Variants in BBS9 observed in about 807,000 individuals in gnomAD.
BBS9 encodes protein PTHB1.
A neutral mutation model predicts 117.7 loss-of-function variants in BBS9; 89 were observed. That is an observed-to-expected ratio of 0.76 (90% CI 0.64 to 0.90). The LOEUF (loss-of-function observed/expected upper bound fraction) is 0.90, where lower values mean the gene tolerates loss of function less well. Among genes scored for constraint, BBS9 ranks in the 40% least tolerant of loss-of-function variants. The pLI is 0.00. For missense variants in BBS9, 982 were observed against 1,042.2 expected, an observed-to-expected ratio of 0.94 and a Z score of 0.80; for synonymous variants, 379 against 370.9, an observed-to-expected ratio of 1.02 and a Z score of -0.25.
chr7:33,257,590 A>G (rs752414938), intron 6 of BBS9, among the ~76,000 whole-genome samples, 180 bp downstream of exon 6: 1 of 152,190 alleles, frequency 6.6e-6, no homozygotes, highest in Non-Finnish European at 1.5e-5. Context: ...GAAAGGCAAT[A>G]TAGTGCAGTG....
intron 5 of BBS9, among the ~76,000 whole-genome samples, chr7:33,254,842 T>C (rs1796773566): frequency 6.6e-6 from 1 of 152,130 alleles, no homozygotes; most frequent in South Asian, 2.1e-4. Flanking sequence ...GTAGGATTTC[T>C]TTCTTTTTTT....
chr7:33,551,366 C>T (rs1854386981), intron 21 of BBS9, among the ~76,000 whole-genome samples: 2 of 152,092 alleles, frequency 1.3e-5, no homozygotes, highest in African/African-American at 2.4e-5. Context: ...GTATATGTGA[C>T]TATGTACTGT....
chr7:33,537,245 C>T (rs1165534458), intron 21 of BBS9, among the ~76,000 whole-genome samples: 6 of 152,190 alleles, frequency 3.9e-5, no homozygotes, highest in African/African-American at 1.2e-4. Context: ...TTTCTAGCCT[C>T]ATGACTTTAT....
intron 21 of BBS9, among the ~76,000 whole-genome samples, chr7:33,540,765 G>A (rs1365271930): frequency 1.3e-5 from 2 of 152,160 alleles, no homozygotes; most frequent in African/African-American, 4.8e-5. Flanking sequence ...CAGTTCTCAT[G>A]AACTAACCCA....
rs571438160 is a variant in BBS9, at chr7:33,274,299, T to C, written c.1016+343T>C. ...ATGAGTCCCTTTTAGAGAACATTTA[T>C]TGATAGACTGTGACGATATTACACT... is the stretch of plus-strand genomic sequence containing the variant. On this transcript the variant is annotated intron_variant, in intron 9 of 22. Transcript: ENST00000242067. Among the ~76,000 whole-genome samples the C allele has an allele frequency of 3.3e-5, 5 of 152,336 alleles. No homozygotes were observed. In the East Asian group the frequency reaches 9.7e-4, roughly 29 times the overall value.
At chr7:33,338,457 T>C (rs1318954895) in intron 10 of BBS9, among the ~76,000 whole-genome samples, 1 of 152,146 alleles carries the variant, frequency 6.6e-6, no homozygotes, top group Non-Finnish European at 1.5e-5. Context: ...TATTTTAGTT[T>C]GGGGGCTTTA....
chr7:33,426,043 CCA>C lies in BBS9; in HGVS notation c.2115+37900_2115+37901del, dbSNP rs77620519. Among the ~76,000 whole-genome samples, 2,992 of 152,124 alleles carry C rather than the reference CCA, an allele frequency of 0.02. 198 individuals carry two copies. The East Asian group carries it at 0.26, about 13-fold the overall frequency. ...AAATAAACCAAGAAGTTTATAAGGT[CCA>C]GTTTGTGGAGTAAAATATTGGCATG... On this transcript the variant is annotated intron_variant, in intron 19 of 22. Transcript: ENST00000242067.
At chr7:33,571,730 A>G (rs1857828863) in intron 21 of BBS9, among the ~76,000 whole-genome samples, 1 of 151,986 alleles carries the variant, frequency 6.6e-6, no homozygotes, top group African/African-American at 2.4e-5. Context: ...GTGCAATTAA[A>G]TTTTACATTC....
chr7:33,542,379 A>C (rs1852471602), intron 21 of BBS9, among the ~76,000 whole-genome samples: 1 of 152,132 alleles, frequency 6.6e-6, no homozygotes, highest in Non-Finnish European at 1.5e-5. Context: ...CACCGCACCC[A>C]GCCCATGAGT....
At chr7:33,190,591 T>C (rs1319772733) in intron 5 of BBS9, among the ~76,000 whole-genome samples, 4 of 152,230 alleles carry the variant, frequency 2.6e-5, no homozygotes, top group Non-Finnish European at 5.9e-5. Flanking sequence ...TCTTTTCATC[T>C]CTTGCTTCCA....
At chr7:33,569,432 C>T (rs1344244533) in intron 21 of BBS9, among the ~76,000 whole-genome samples, 5 of 147,456 alleles carry the variant, frequency 3.4e-5, no homozygotes, top group Admixed American at 2.7e-4. Flanking sequence ...AGCATACAGA[C>T]ATATATATAT....
intron 20 of BBS9, among the ~76,000 whole-genome samples, chr7:33,524,325 T>C (rs1481774489): frequency 6.6e-6 from 1 of 152,192 alleles, no homozygotes; most frequent in East Asian, 1.9e-4. Context: ...GAAGGAATGG[T>C]ACCAGTTCCT....
chr7:33,388,806 A>G (rs895985767), intron 19 of BBS9, among the ~76,000 whole-genome samples: 4 of 152,196 alleles, frequency 2.6e-5, no homozygotes, highest in African/African-American at 9.6e-5. Context: ...GAAGGCTTCT[A>G]CCAGTTCTGT....
chr7:33,547,113 G>A (rs4723292), intron 21 of BBS9, among the ~76,000 whole-genome samples: 94,395 of 151,954 alleles, frequency 0.62, 30,274 homozygotes, highest in African/African-American at 0.77. Context: ...AGCTTCCCCT[G>A]ATGGTGACAG....
intron 16 of BBS9, 54 bp downstream of exon 16, chr7:33,358,049 A>G (rs1169164043): frequency 6.4e-7 from 1 of 1,570,636 alleles, no homozygotes; most frequent in Non-Finnish European, 8.7e-7. Flanking sequence ...AGAATTTAGA[A>G]TGGAATCCTT....
At position 33,257,387 on chromosome 7, in the gene BBS9, C is replaced by T; in HGVS notation, c.594C>T (p.Ser198=). 1 of 1,613,840 alleles carries T rather than the reference C, an allele frequency of 6.2e-7. No individual in the cohort carries two copies. The highest frequency in any genetic ancestry group is 8.5e-7 in the Non-Finnish European group (1 of 1,179,872). The part of the protein sequence containing the change: ...SRTDSFLTVS[S]CQQVESYKYQ... Reference sequence around the variant, plus strand: ...CAGATTCCTTCCTTACTGTCTCTTCCTGCCAACAAGTGGAAAGTTATAAGT... The same window carrying T: ...CAGATTCCTTCCTTACTGTCTCTTCTTGCCAACAAGTGGAAAGTTATAAGT... Residue 198 remains serine, a synonymous_variant, in exon 6 of 23, where the codon TCC becomes TCT. Coordinates refer to ENST00000242067, the MANE Select transcript of BBS9 (RefSeq NM_198428.3).
At chr7:33,465,576 A>G (rs1006262730) in intron 19 of BBS9, among the ~76,000 whole-genome samples, 1 of 152,198 alleles carries the variant, frequency 6.6e-6, no homozygotes, top group African/African-American at 2.4e-5. Context: ...GTTTTGAATT[A>G]TAAATCCCTT....
chr7:33,489,887 T>C (rs1004226435), intron 19 of BBS9, among the ~76,000 whole-genome samples: 1 of 152,216 alleles, frequency 6.6e-6, no homozygotes, highest in Non-Finnish European at 1.5e-5. Flanking sequence ...TGTTATTTTA[T>C]CCAAATTCAG....
chr7:33,241,013 A>T (rs893971962), intron 5 of BBS9, among the ~76,000 whole-genome samples: 31 of 152,124 alleles, frequency 2.0e-4, no homozygotes, highest in African/African-American at 7.0e-4. Flanking sequence ...GTCAAATCAC[A>T]ACCATTACGA....
Sources: gnomAD v4.1 joint callset for allele counts (sites outside exome capture counted in the v4.1 genomes callset) on GRCh38, gnomAD v4.1.1 for gene constraint, MANE v1.5 for transcripts, NCBI Gene and HGNC (gene_info 2026-07-23, HGNC 2026-07-21) for gene names.